LRP1B: variants seen among roughly 807,000 people sequenced by gnomAD.
LRP1B encodes the protein low-density lipoprotein receptor-related protein 1B.
In LRP1B, 217 loss-of-function variants were observed where a neutral mutation model predicts 556.6. That is an observed-to-expected ratio of 0.39 (90% CI 0.35 to 0.44). LRP1B has a LOEUF of 0.44. LRP1B is among the 20% of genes least tolerant of loss of function. LRP1B has a pLI of 1.00. For missense variants in LRP1B, 5,053 were observed against 5,620.8 expected, an observed-to-expected ratio of 0.90 and a Z score of 3.23; for synonymous variants, 2,047 against 1,865.8, an observed-to-expected ratio of 1.10 and a Z score of -2.50.
chr2:140,881,559 T>TA (rs1431106795), intron 25 of LRP1B, among the ~76,000 whole-genome samples: 13 of 140,690 alleles, frequency 9.2e-5, no homozygotes, highest in African/African-American at 2.5e-4. Flanking sequence ...AGTTAACACT[T>TA]AGAGTTTAAT....
chr2:140,654,377 AT>A (rs1208343469), intron 41 of LRP1B, among the ~76,000 whole-genome samples: 1 of 152,202 alleles, frequency 6.6e-6, no homozygotes, highest in Non-Finnish European at 1.5e-5. Flanking sequence ...AAAATAAGAA[AT>A]ATCTCGGTAT....
intron 49 of LRP1B, among the ~76,000 whole-genome samples, chr2:140,518,857 A>G (rs190553147): frequency 3.3e-5 from 5 of 152,310 alleles, no homozygotes; most frequent in Admixed American, 3.3e-4. Context: ...TTCTAAATAT[A>G]CAATCACGTC....
chr2:141,332,689 C>T (rs745477336), intron 3 of LRP1B, among the ~76,000 whole-genome samples: 4 of 146,170 alleles, frequency 2.7e-5, no homozygotes, highest in East Asian at 3.9e-4. Context: ...AATCAGGTCA[C>T]GGTGGCCTTT....
chr2:140,663,755 C>A (rs919169634), intron 41 of LRP1B, among the ~76,000 whole-genome samples: 3 of 152,156 alleles, frequency 2.0e-5, no homozygotes, highest in Non-Finnish European at 4.4e-5. Context: ...TCTTCAAGAA[C>A]CTTCTTTTGA....
chr2:141,544,565 G>A (rs1036656668), intron 2 of LRP1B, among the ~76,000 whole-genome samples: 2 of 151,488 alleles, frequency 1.3e-5, no homozygotes, highest in African/African-American at 2.4e-5. Flanking sequence ...ATAGGTGTGA[G>A]CCGCTGCATG....
intron 35 of LRP1B, among the ~76,000 whole-genome samples, chr2:140,725,923 C>T (rs556717385): frequency 1.4e-4 from 21 of 152,124 alleles, no homozygotes; most frequent in Admixed American, 4.6e-4. Flanking sequence ...TTTGCATTTG[C>T]GTAGTTTAAA....
chr2:140,849,915 C>T (rs927952784), intron 29 of LRP1B, among the ~76,000 whole-genome samples, 187 bp downstream of exon 29: 1 of 151,802 alleles, frequency 6.6e-6, no homozygotes, highest in Non-Finnish European at 1.5e-5. Flanking sequence ...TATCAGTCTG[C>T]TCTGTGCAAT....
At chr2:140,886,037 A>G (rs1158601285) in intron 24 of LRP1B, 101 bp downstream of exon 24, 1 of 705,766 alleles carries the variant, frequency 1.4e-6, no homozygotes, top group Non-Finnish European at 2.3e-6. Flanking sequence ...AAAGGACCAA[A>G]GGTCAAAGAA....
intron 41 of LRP1B, among the ~76,000 whole-genome samples, chr2:140,654,190 A>C (rs573988584): frequency 5.3e-4 from 81 of 152,222 alleles, no homozygotes; most frequent in African/African-American, 1.7e-3. Flanking sequence ...AAAATGAAAC[A>C]TGAGTGTTTA....
intron 7 of LRP1B, among the ~76,000 whole-genome samples, chr2:141,115,518 G>A (rs1700870410): frequency 1.5e-5 from 2 of 135,098 alleles, no homozygotes; most frequent in Non-Finnish European, 3.0e-5. Context: ...GTGCAATGTC[G>A]TGATCTTGGC....
chr2:140,595,217 T>C (rs794037), intron 43 of LRP1B, among the ~76,000 whole-genome samples: 148,130 of 149,834 alleles, frequency 0.99, 73,249 homozygotes, highest in Middle Eastern at 1. Flanking sequence ...CTTGAATGGA[T>C]TACAACAATT....
rs1491231403 is a variant in LRP1B at position 140,766,204 on chromosome 2, TTA to T, written c.5758+3007_5758+3008del. Among the ~76,000 whole-genome samples, 5 of 47,632 alleles carry T rather than the reference TTA, an allele frequency of 1.0e-4. No individual in the cohort carries two copies. The East Asian group carries it at 4.4e-3, about 42-fold the overall frequency. The allele number at this position is 47,632 out of a possible 152,430, so 31.2% of individuals were successfully genotyped here. ...TCAGGTGAAATATGAAGGTCATGAT[TTA>T]AAAAAAAAGATAAACAAGTAGAGAC... On this transcript the variant is annotated intron_variant, in intron 35 of 90. Coordinates refer to ENST00000389484, the MANE Select transcript of LRP1B (RefSeq NM_018557.3).
chr2:141,123,801 G>A (rs1008978119), intron 7 of LRP1B, among the ~76,000 whole-genome samples: 2 of 151,926 alleles, frequency 1.3e-5, no homozygotes, highest in African/African-American at 4.8e-5. Context: ...TCATTAAACT[G>A]TCCTTTGCTC....
intron 35 of LRP1B, among the ~76,000 whole-genome samples, chr2:140,739,066 C>G (rs771038202): frequency 1.3e-5 from 2 of 152,176 alleles, no homozygotes; most frequent in Non-Finnish European, 2.9e-5. Context: ...CATTAAGCTT[C>G]CCTGCTTCCA....
At chr2:141,020,129 A>G in intron 11 of LRP1B, 27 bp from the exon 12 acceptor site, 7 of 1,430,048 alleles carry the variant, frequency 4.9e-6, no homozygotes, top group South Asian at 1.6e-5. Flanking sequence ...AACAAGAAAG[A>G]AATTGCTTTT....
At chr2:141,408,593 C>CAA (rs1690729224) in intron 3 of LRP1B, among the ~76,000 whole-genome samples, 1 of 151,796 alleles carries the variant, frequency 6.6e-6, no homozygotes, top group Non-Finnish European at 1.5e-5. Flanking sequence ...GTAACAAAAA[C>CAA]AGAGTGTAAA....
At chr2:141,911,324 T>C (rs1699902805) in intron 1 of LRP1B, among the ~76,000 whole-genome samples, 1 of 152,214 alleles carries the variant, frequency 6.6e-6, no homozygotes, top group Non-Finnish European at 1.5e-5. Context: ...TCCAGTTATA[T>C]TTCTGCAATA....
chr2:140,495,786 T>C (rs768673675), intron 55 of LRP1B, 38 bp from the exon 56 acceptor site: 1 of 1,525,522 alleles, frequency 6.6e-7, no homozygotes, highest in Admixed American at 1.7e-5. Context: ...ATTCATATCA[T>C]TGTCACTGTC....
In LRP1B at chr2:140,510,032, A is replaced by T. The variant is rs1026476841; in HGVS notation, c.8294T>A (p.Met2765Lys). Residue 2765 changes from methionine to lysine, a missense_variant, in exon 52 of 91, where the codon ATG becomes AAG. Around this residue, in one of 5 missense-constraint regions of LRP1B, gnomAD observed 3,619 missense variants for 3,931.9 expected, o/e 0.92. Transcript: ENST00000389484. The stretch of plus-strand genomic sequence containing the variant: ...GGCACGAGAGCCCTGGCAGCTGAAC[A>T]TGTCAGCAGCACAGGTTATGGCACC... Reference protein sequence around the residue: ...ICGAITCAADMFSCQGSRACV... With the variant: ...ICGAITCAADKFSCQGSRACV... 2 of 1,613,774 alleles carry T rather than the reference A, an allele frequency of 1.2e-6. No homozygotes were observed. Among genetic ancestry groups the T allele is most frequent in the Non-Finnish European group, 1.7e-6 (2 of 1,180,012 alleles).
Sources: gnomAD v4.1 joint callset for allele counts (sites outside exome capture counted in the v4.1 genomes callset) on GRCh38, gnomAD v4.1.1 for gene constraint, gnomAD v4.1.1 regional missense constraint, MANE v1.5 for transcripts, NCBI Gene and HGNC (gene_info 2026-07-23, HGNC 2026-07-21) for gene names.